The following FCRL1 variants were observed in gnomAD, a reference collection of about 807,000 sequenced individuals.
The protein encoded by FCRL1 is Fc receptor like 1.
FCRL1 carries 34 observed loss-of-function variants against 49.2 expected under a neutral mutation model. The ratio of observed to expected loss-of-function variants is 0.69; its 90% CI spans 0.53 to 0.92. FCRL1 has a LOEUF of 0.92. FCRL1 is among the 40% of genes least tolerant of loss of function. The pLI, the probability that FCRL1 is intolerant of heterozygous loss-of-function variation, is 0.00. For missense variants in FCRL1, 524 were observed against 524.1 expected, an observed-to-expected ratio of 1.00 and a Z score of 0.00; for synonymous variants, 218 against 201.6, an observed-to-expected ratio of 1.08 and a Z score of -0.69.
chr1:157,801,850 C>A, intron 5 of FCRL1, 65 bp downstream of exon 5: 1 of 1,548,374 alleles, frequency 6.5e-7, no homozygotes, highest in East Asian at 2.2e-5. Flanking sequence ...GTGGCACCAG[C>A]AAAACTCTCC....
intron 9 of FCRL1, among the ~76,000 whole-genome samples, chr1:157,797,518 G>A (rs6689259): frequency 0.025 from 3,853 of 152,214 alleles, 150 homozygotes; most frequent in African/African-American, 0.086. Flanking sequence ...ACTGGGGAGC[G>A]AGGCATAAAA....
At chr1:157,801,608 C>A in intron 5 of FCRL1, 31 bp from the exon 6 acceptor site, 1 of 1,486,356 alleles carries the variant, frequency 6.7e-7, no homozygotes. Flanking sequence ...ATGATCTGCT[C>A]AGAGGAAGGG....
intron 10 of FCRL1, among the ~76,000 whole-genome samples, chr1:157,796,603 A>G (rs572286821): frequency 1.3e-4 from 20 of 152,382 alleles, no homozygotes; most frequent in African/African-American, 4.6e-4. Flanking sequence ...ACACATGCAC[A>G]GAGCTGGAAT....
At chr1:157,805,247 A>G (rs1024573833) in intron 2 of FCRL1, among the ~76,000 whole-genome samples, 2 of 152,088 alleles carry the variant, frequency 1.3e-5, no homozygotes, top group Non-Finnish European at 2.9e-5. Flanking sequence ...AAAATGTCAC[A>G]ACCCCTAATA....
intron 9 of FCRL1, among the ~76,000 whole-genome samples, chr1:157,797,339 T>C (rs1264389961): frequency 6.6e-6 from 1 of 152,176 alleles, no homozygotes; most frequent in Non-Finnish European, 1.5e-5. Context: ...GGAGGGTAAG[T>C]AGACCCTCTA....
At chr1:157,798,857 C>T (rs954838704) in intron 7 of FCRL1, among the ~76,000 whole-genome samples, 2 of 152,140 alleles carry the variant, frequency 1.3e-5, no homozygotes, top group Admixed American at 1.3e-4. Context: ...ATGTATCTTA[C>T]CTACCCTAAA....
In FCRL1 at chr1:157,795,096, C is replaced by T. The variant is rs1651283126; in HGVS notation, c.*1003G>A. 1.3e-5 allele frequency: 2 copies of T among 152,260 alleles called. No individual in the cohort carries two copies. The highest frequency in any genetic ancestry group is 4.1e-4 in the South Asian group (2 of 4,822). The allele number at this position is 152,260 out of a possible 1,614,324, so 9.4% of individuals were successfully genotyped here. A position where few individuals can be genotyped will look rare whatever the true frequency, so the allele number is the denominator to read the frequency against. On this transcript the variant is annotated 3_prime_UTR_variant, in exon 11 of 11. Coordinates refer to ENST00000368176, the MANE Select transcript of FCRL1 (RefSeq NM_052938.5). ...ATATACCTCCAAATGTTTATTAATT[C>T]ATAAGAGTGAGTGCCTGGTTATTTT...
rs749226754 is a variant in FCRL1 at position 157,797,955 on chromosome 1, G to A, written c.1115-16C>T. 5 of 1,613,494 alleles carry A rather than the reference G, an allele frequency of 3.1e-6. No homozygotes were observed. Among genetic ancestry groups the A allele is most frequent in the Admixed American group, 3.3e-5 (2 of 60,004 alleles). ...ACAACATTCACTGCAAGAGAAGGAG[G>A]GAGACTTCATGACACAGCCCCTGAT... On this transcript the variant is annotated splice_polypyrimidine_tract_variant and intron_variant, in intron 8 of 10. Transcript: ENST00000368176.
At position 157,799,965 on chromosome 1, in the gene FCRL1, G is replaced by GA. The variant is rs1652164387; in HGVS notation, c.1031+92_1031+93insT. 9 of 1,183,236 alleles carry GA rather than the reference G, an allele frequency of 7.6e-6. No individual in the cohort carries two copies. The African/African-American group carries it at 1.2e-4, about 16-fold the overall frequency. 73.3% of individuals were successfully genotyped at this position (1,183,236 alleles called of 1,614,324 possible). ...AGTGAGTTCTGGGTATAATAAAGCC[G>GA]GAAAAAAAATGCTCAGGAGAGAACA... On this transcript the variant is annotated intron_variant, in intron 7 of 10. Coordinates refer to ENST00000368176, the MANE Select transcript of FCRL1 (RefSeq NM_052938.5).
chr1:157,796,045 G>T lies in FCRL1; in HGVS notation c.*54C>A. 6.9e-7 allele frequency: 1 copy of T among 1,441,164 alleles called. No homozygotes were observed. Among genetic ancestry groups the T allele is most frequent in the Non-Finnish European group, 9.8e-7 (1 of 1,022,250 alleles). 89.3% of individuals were successfully genotyped at this position (1,441,164 alleles called of 1,614,324 possible). On this transcript the variant is annotated 3_prime_UTR_variant, in exon 11 of 11. Coordinates refer to ENST00000368176, the MANE Select transcript of FCRL1 (RefSeq NM_052938.5). ...CCCAGGATCTCTGAAGAACATATCA[G>T]GCCTGAGGCTTGGGGTCATGGATGG...
chr1:157,808,950 GA>G (rs1653891022), intron 1 of FCRL1, among the ~76,000 whole-genome samples: 1 of 152,186 alleles, frequency 6.6e-6, no homozygotes, highest in East Asian at 1.9e-4. Context: ...CTGAATTGGA[GA>G]AGTTGTGGGG....
chr1:157,812,434 A>G (rs578098611), intron 1 of FCRL1, among the ~76,000 whole-genome samples: 1 of 152,218 alleles, frequency 6.6e-6, no homozygotes, highest in African/African-American at 2.4e-5. Context: ...ACCAGTATGT[A>G]ATACACTCTC....
At chr1:157,804,412 C>G (rs1653067841) in intron 2 of FCRL1, among the ~76,000 whole-genome samples, 1 of 152,188 alleles carries the variant, frequency 6.6e-6, no homozygotes, top group Non-Finnish European at 1.5e-5. Flanking sequence ...AAACACCTTT[C>G]TTGAAGCCAG....
At chr1:157,809,592 G>A (rs929549105) in intron 1 of FCRL1, among the ~76,000 whole-genome samples, 2 of 152,080 alleles carry the variant, frequency 1.3e-5, no homozygotes, top group Admixed American at 1.3e-4. Flanking sequence ...GGGATTACAG[G>A]CATGTGCCAG....
At chr1:157,800,190 T>C (rs1420802063) in intron 6 of FCRL1, 105 bp from the exon 7 acceptor site, 5 of 1,050,414 alleles carry the variant, frequency 4.8e-6, no homozygotes, top group Admixed American at 2.1e-5. Flanking sequence ...CATGCTCAGA[T>C]GCCCATTGTG....
At chr1:157,802,320 G>A (rs2101840457) in intron 4 of FCRL1, 57 bp downstream of exon 4, 5 of 1,591,490 alleles carry the variant, frequency 3.1e-6, no homozygotes, top group Non-Finnish European at 4.3e-6. Flanking sequence ...TGTGCCCCAG[G>A]GAAATGTGGA....
intron 1 of FCRL1, among the ~76,000 whole-genome samples, chr1:157,811,674 G>C (rs1654336682): frequency 6.6e-6 from 1 of 152,126 alleles, no homozygotes; most frequent in African/African-American, 2.4e-5. Flanking sequence ...CTTGAAACTA[G>C]AGCAACTACT....
At chr1:157,798,832 A>C (rs1030261472) in intron 7 of FCRL1, among the ~76,000 whole-genome samples, 2 of 152,220 alleles carry the variant, frequency 1.3e-5, no homozygotes, top group Non-Finnish European at 2.9e-5. Flanking sequence ...TCTGTCTTAC[A>C]TTCCAGAAAT....
chr1:157,802,624 TG>T lies in FCRL1; in HGVS notation c.359del (p.Pro120GlnfsTer5), dbSNP rs1652726933. 1 of 1,613,878 alleles carries T rather than the reference TG, an allele frequency of 6.2e-7. No homozygotes were observed. The highest frequency in any genetic ancestry group is 1.1e-5 in the South Asian group (1 of 91,042). On this transcript the variant is annotated frameshift_variant, in exon 4 of 11. Transcript: ENST00000368176. LOFTEE classifies it high-confidence loss of function. ...VADVSLETQP[P>X]GGQVMEGDRL... Reference sequence around the variant, plus strand: ...TGTCTCCCTCCATCACCTGTCCTCCTGGGGGCTGAGTCTCCAAGCTCACATC... The same window carrying T: ...TGTCTCCCTCCATCACCTGTCCTCCTGGGGCTGAGTCTCCAAGCTCACATC...
Sources: allele counts gnomAD v4.1 joint callset (sites outside exome capture counted in the v4.1 genomes callset), GRCh38; gene constraint gnomAD v4.1.1; transcripts MANE v1.5; gene names NCBI Gene and HGNC (gene_info 2026-07-23, HGNC 2026-07-21).